URGCP: variants seen among roughly 807,000 people sequenced by gnomAD.
The protein encoded by URGCP is upregulator of cell proliferation, also known as up-regulator of cell proliferation.
A neutral mutation model predicts 24.6 loss-of-function variants in URGCP; 13 were observed. That is an observed-to-expected ratio of 0.53 (90% CI 0.34 to 0.84). URGCP has a LOEUF of 0.84. URGCP is among the 40% of genes least tolerant of loss of function. The pLI is 0.01. For missense variants in URGCP, 899 were observed against 1,194.3 expected (o/e 0.75, Z 3.64); for synonymous variants, 444 against 487.2 (o/e 0.91, Z 1.17).
chr7:43,920,638 G>T (rs1585842167), intron 1 of URGCP, among the ~76,000 whole-genome samples: 1 of 152,126 alleles, frequency 6.6e-6, no homozygotes, highest in Admixed American at 6.5e-5. Context: ...TCTGGAAAAA[G>T]ATTTTTTTCT....
intron 3 of URGCP, among the ~76,000 whole-genome samples, chr7:43,885,630 A>G (rs1049446688): frequency 1.3e-5 from 2 of 152,192 alleles, no homozygotes; most frequent in Non-Finnish European, 2.9e-5. Context: ...ACAGGGATTG[A>G]TAAGTATCTT....
intron 1 of URGCP, among the ~76,000 whole-genome samples, chr7:43,920,318 G>T (rs572679110): frequency 6.1e-4 from 93 of 152,330 alleles, no homozygotes; most frequent in African/African-American, 1.8e-3. Context: ...CCAGCGCTTT[G>T]GGAGGCTAAG....
Position 43,877,951 on chromosome 7 carries a change from T to C in URGCP, c.1512A>G (p.Ala504=), listed in dbSNP as rs1405352373. ...GGCAGAACTCCTTCTCCACTTGGGC[T>C]GCCTTTCTCCAGGGGTCCCCCTGCA... The part of the protein sequence containing the change: ...LRLQGDPWRK[A]AQVEKEFCQL... Residue 504 remains alanine (A), a synonymous_variant, in exon 6 of 6, where the codon GCA becomes GCG. Coordinates refer to ENST00000453200, the MANE Select transcript of URGCP (RefSeq NM_001077663.3). 1 of 1,614,198 alleles carries C rather than the reference T, an allele frequency of 6.2e-7. No individual in the cohort carries two copies. The highest frequency in any genetic ancestry group is 8.5e-7 in the Non-Finnish European group (1 of 1,180,038).
At chr7:43,914,359 G>T (rs927746196) in intron 1 of URGCP, among the ~76,000 whole-genome samples, 3 of 152,076 alleles carry the variant, frequency 2.0e-5, no homozygotes, top group African/African-American at 7.2e-5. Context: ...AAAAAATTTA[G>T]CCGGGTATGC....
chr7:43,883,324 A>G (rs1345217630), intron 3 of URGCP, among the ~76,000 whole-genome samples: 2 of 132,028 alleles, frequency 1.5e-5, no homozygotes, highest in Non-Finnish European at 3.1e-5. Flanking sequence ...ATATATAAAT[A>G]TATATATATA....
At chr7:43,901,822 T>C (rs953380237) in intron 1 of URGCP, among the ~76,000 whole-genome samples, 6 of 152,114 alleles carry the variant, frequency 3.9e-5, no homozygotes, top group African/African-American at 7.2e-5. Context: ...TGGGAGAGAA[T>C]CTTCCTGGAC....
chr7:43,876,676 T>C lies in URGCP; in HGVS notation c.2787A>G (p.Arg929=). Residue 929 remains arginine, a synonymous_variant, in exon 6 of 6, where the codon AGA becomes AGG. Coordinates refer to ENST00000453200, the MANE Select transcript of URGCP (RefSeq NM_001077663.3). ...KNIQQLIELV[R]RL is the part of the protein sequence containing the mutation. ...GGGTTTCTCTGCACACTCACAGCCG[T>C]CTCACCAGCTCAATGAGCTGCTGGA... 6.2e-7 allele frequency: 1 copy of C among 1,613,942 alleles called. No homozygotes were observed. The highest frequency in any genetic ancestry group is 8.5e-7 in the Non-Finnish European group (1 of 1,179,876).
At position 43,896,158 on chromosome 7, in the gene URGCP, T is replaced by C. The variant is rs144926186; in HGVS notation, c.15-8342A>G. ...GAAGTATAGAGTAGAATTGTGGTTA[T>C]TAGAGACTGGAATGCATGGGAGAGG... On this transcript the variant is annotated intron_variant, in intron 1 of 5. Coordinates refer to ENST00000453200, the MANE Select transcript of URGCP (RefSeq NM_001077663.3). Among the ~76,000 whole-genome samples, 756 of 152,234 alleles carry C rather than the reference T, an allele frequency of 5.0e-3. 6 individuals are homozygous for C. Among genetic ancestry groups the C allele is most frequent in the South Asian group, 0.027 (128 of 4,816 alleles).
At chr7:43,918,873 TACATCCCC>T (rs2095918761) in intron 1 of URGCP, 3 of 1,402,146 alleles carry the variant, frequency 2.1e-6, no homozygotes, top group Non-Finnish European at 3.0e-6. Flanking sequence ...CGATGAGCAC[TACATCCCC>T]CGGGCTGTGC....
Position 43,878,262 on chromosome 7 carries a change from G to A in URGCP, c.1201C>T (p.Leu401=). The change falls in exon 6 of 6, where the codon CTG becomes TTG. Residue 401 remains leucine (L), a synonymous_variant. Transcript: ENST00000453200. This position sits in a 1 kb window ranked among gnomAD's most constrained non-coding sequence, Gnocchi z 5.6. ...RGKRNTNLRF[L]NKLIPVLKID... ...TTCAGCACAGGAATTAACTTATTCA[G>A]AAATCTCAGGTTTGTGTTGCGCTTC... is the stretch of plus-strand genomic sequence containing the variant. 17 of 1,614,230 alleles carry A rather than the reference G, an allele frequency of 1.1e-5. No homozygotes were observed. The highest frequency in any genetic ancestry group is 1.4e-5 in the Non-Finnish European group (17 of 1,180,044).
chr7:43,888,021 C>T (rs758559947), intron 1 of URGCP: 33 of 541,298 alleles, frequency 6.1e-5, no homozygotes, highest in Non-Finnish European at 8.5e-5. Flanking sequence ...ATTAATTAGT[C>T]GGGGGAAAGT....
chr7:43,919,582 G>A (rs1189133544), intron 1 of URGCP: 2 of 1,419,302 alleles, frequency 1.4e-6, no homozygotes, highest in East Asian at 2.3e-5. Flanking sequence ...GATGTCATGA[G>A]GTGGCTGCTG....
intron 1 of URGCP, among the ~76,000 whole-genome samples, chr7:43,903,115 C>G (rs2528386): frequency 1.4e-5 from 2 of 147,344 alleles, no homozygotes; most frequent in Non-Finnish European, 3.0e-5. Flanking sequence ...GAGACCCCCA[C>G]TGCTATTAAA....
chr7:43,921,167 T>C (rs2095921986), intron 1 of URGCP, among the ~76,000 whole-genome samples: 1 of 151,746 alleles, frequency 6.6e-6, no homozygotes, highest in African/African-American at 2.4e-5. Flanking sequence ...CTATTAAATA[T>C]ACAAAAAAAT....
intron 1 of URGCP, 179 bp downstream of exon 1, chr7:43,906,376 CGCGGCCG>C (rs1287173630): frequency 4.3e-5 from 17 of 398,322 alleles, no homozygotes; most frequent in Non-Finnish European, 4.7e-5. Flanking sequence ...CCCACGCCCG[CGCGGCCG>C]GTCCGCCCAA....
In URGCP at chr7:43,906,593, C is replaced by T; in HGVS notation, c.-18G>A. The T allele has an allele frequency of 2.4e-6, 3 of 1,226,810 alleles. No homozygotes were observed. The highest frequency in any genetic ancestry group is 2.0e-6 in the Non-Finnish European group (2 of 976,956). 76.0% of individuals were successfully genotyped at this position (1,226,810 alleles called of 1,614,324 possible). On this transcript the variant is annotated 5_prime_UTR_variant, in exon 1 of 6. Transcript: ENST00000453200. ...GACGCCATGAGCGCAGCGAGGTCTC[C>T]GCTCCCGCCTCCTTCGCTTCCTCCG...
chr7:43,914,362 G>A (rs549577039), intron 1 of URGCP, among the ~76,000 whole-genome samples: 20 of 152,158 alleles, frequency 1.3e-4, no homozygotes, highest in South Asian at 1.2e-3. Flanking sequence ...AAATTTAGCC[G>A]GGTATGCTAA....
At chr7:43,909,248 TACAC>T (rs757539347), upstream of URGCP, among the ~76,000 whole-genome samples, 1 of 152,078 alleles carries the variant, frequency 6.6e-6, no homozygotes, top group Non-Finnish European at 1.5e-5. Context: ...ATAATACACA[TACAC>T]ACATATGTAT....
chr7:43,920,780 A>T (rs1440535812), intron 1 of URGCP, among the ~76,000 whole-genome samples: 1 of 152,178 alleles, frequency 6.6e-6, no homozygotes, highest in Non-Finnish European at 1.5e-5. Context: ...CATTTTGGGA[A>T]AAACCTCTGT....
Sources: allele counts gnomAD v4.1 joint callset (sites outside exome capture counted in the v4.1 genomes callset), GRCh38; gene constraint gnomAD v4.1.1; non-coding constraint Gnocchi (gnomAD v3.1); transcripts MANE v1.5; gene names NCBI Gene and HGNC (gene_info 2026-07-23, HGNC 2026-07-21).